Variants in SPAST observed in about 807,000 individuals in gnomAD.
SPAST encodes the protein spastic paraplegia 4 (autosomal dominant; spastin).
Under a neutral mutation model 76.6 loss-of-function variants are expected in SPAST, and 30 were observed. The observed-to-expected ratio is 0.39, with a 90% CI of 0.29 to 0.53. The LOEUF is 0.53. Among genes scored for constraint, SPAST ranks in the 20% least tolerant of loss-of-function variants. The pLI is 0.68. For missense variants in SPAST, 717 were observed against 770.5 expected (o/e 0.93, Z 0.82); for synonymous variants, 305 against 281.0 (o/e 1.09, Z -0.86).
At chr2:32,081,018 G>A (rs1677199873) in intron 1 of SPAST, among the ~76,000 whole-genome samples, 1 of 151,856 alleles carries the variant, frequency 6.6e-6, no homozygotes, top group African/African-American at 2.4e-5. Context: ...GAGTGCAATG[G>A]CACGATCTTG....
At chr2:32,097,637 C>T (rs1052287862) in intron 3 of SPAST, among the ~76,000 whole-genome samples, 2 of 151,414 alleles carry the variant, frequency 1.3e-5, no homozygotes, top group Non-Finnish European at 2.9e-5. Flanking sequence ...CTTATAGTTT[C>T]ATTCTGTGCT....
intron 16 of SPAST, among the ~76,000 whole-genome samples, chr2:32,153,906 G>T (rs899611517): frequency 6.6e-6 from 1 of 152,036 alleles, no homozygotes; most frequent in Non-Finnish European, 1.5e-5. Context: ...GCGAAACCCT[G>T]TCTCTACTAA....
intron 9 of SPAST, among the ~76,000 whole-genome samples, chr2:32,132,824 C>A (rs956076216): frequency 6.6e-6 from 1 of 152,056 alleles, no homozygotes; most frequent in Non-Finnish European, 1.5e-5. Context: ...CATGGAGAAA[C>A]CCCATGTTTC....
At chr2:32,098,657 A>G (rs1434079942) in intron 3 of SPAST, 139 bp from the exon 4 acceptor site, 4 of 589,780 alleles carry the variant, frequency 6.8e-6, no homozygotes, top group East Asian at 3.0e-5. Flanking sequence ...ATAATTTTAT[A>G]TAAATGCAAA....
At chr2:32,107,255 T>C (rs1443015609) in intron 4 of SPAST, among the ~76,000 whole-genome samples, 1 of 151,960 alleles carries the variant, frequency 6.6e-6, no homozygotes, top group Non-Finnish European at 1.5e-5. Context: ...TTTTTTGAGA[T>C]GAAGTCTTCC....
In SPAST at chr2:32,064,166, A is replaced by C; in HGVS notation, c.335A>C (p.Glu112Ala). Residue 112 changes from glutamate to alanine, a missense_variant, in exon 1 of 17, where the codon GAG becomes GCG. By Grantham distance (107) the Glu-to-Ala change is moderately radical. Around this residue, in one of 3 missense-constraint regions of SPAST, gnomAD observed 543 missense variants for 445.2 expected, o/e 1.22. Coordinates refer to ENST00000315285, the MANE Select transcript of SPAST (RefSeq NM_014946.4). ...ASAPAPVPGG[E>A]AERVRVFHKQ... ...GCCCCGGCGCCGGTGCCGGGCGGCGAGGCCGAGCGCGTCCGAGTCTTCCAC... is the reference window on the plus strand; with the variant it reads ...GCCCCGGCGCCGGTGCCGGGCGGCGCGGCCGAGCGCGTCCGAGTCTTCCAC... The C allele has an allele frequency of 6.4e-7, 1 of 1,550,530 alleles. No individual in the cohort carries two copies. The highest frequency in any genetic ancestry group is 8.7e-7 in the Non-Finnish European group (1 of 1,147,816).
Position 32,099,432 on chromosome 2 carries a change from A to C in SPAST, c.682+541A>C, listed in dbSNP as rs758073818. On this transcript the variant is annotated intron_variant, in intron 4 of 16. Coordinates refer to ENST00000315285, the MANE Select transcript of SPAST (RefSeq NM_014946.4). Reference sequence around the variant, plus strand: ...CATAAACTTTTGGATATCAACTTCTACAGAAGATTAAATGTCTTTCTGTTT... The same window carrying C: ...CATAAACTTTTGGATATCAACTTCTCCAGAAGATTAAATGTCTTTCTGTTT... 4.3e-4 allele frequency among the ~76,000 whole-genome samples: 65 copies of C among 152,162 alleles called. 1 individual carries two copies. Among genetic ancestry groups the C allele is most frequent in the Non-Finnish European group, 2.4e-4 (16 of 68,014 alleles).
chr2:32,122,646 A>G (rs12618002), intron 7 of SPAST, among the ~76,000 whole-genome samples: 3 of 151,740 alleles, frequency 2.0e-5, no homozygotes, highest in Non-Finnish European at 4.4e-5. Context: ...TTATAGGTCA[A>G]AAACAGTTGA....
chr2:32,064,696 G>A (rs748009238), intron 1 of SPAST, among the ~76,000 whole-genome samples: 6 of 152,172 alleles, frequency 3.9e-5, no homozygotes, highest in Non-Finnish European at 7.4e-5. Context: ...CAGAAAAAAA[G>A]AACAAATGGT....
chr2:32,126,663 T>G, intron 7 of SPAST: 1 of 229,272 alleles, frequency 4.4e-6, no homozygotes. Flanking sequence ...TTTTTTTAAT[T>G]TTTTGTAGAA....
Position 32,155,565 on chromosome 2 carries a change from T to G in SPAST, c.*1069T>G, listed in dbSNP as rs1332628889. 1 of 152,366 alleles carries G rather than the reference T, an allele frequency of 6.6e-6. No homozygotes were observed. Among genetic ancestry groups the G allele is most frequent in the African/African-American group, 2.4e-5 (1 of 41,432 alleles). The allele number at this position is 152,366 out of a possible 1,614,324, so 9.4% of individuals were successfully genotyped here. Reference sequence around the variant, plus strand: ...CTGAATTTTTATACATGGCATACATTTTTCTAGTTCCTTCTGCTTGCTTTA... The same window carrying G: ...CTGAATTTTTATACATGGCATACATGTTTCTAGTTCCTTCTGCTTGCTTTA... On this transcript the variant is annotated 3_prime_UTR_variant, in exon 17 of 17. Transcript: ENST00000315285.
chr2:32,114,233 A>T (rs1678736150), intron 4 of SPAST, among the ~76,000 whole-genome samples: 1 of 151,970 alleles, frequency 6.6e-6, no homozygotes, highest in Admixed American at 6.6e-5. Context: ...AGTGAGTGAG[A>T]CCCTGTTTCT....
At chr2:32,107,709 C>G (rs1358131398) in intron 4 of SPAST, among the ~76,000 whole-genome samples, 1 of 152,136 alleles carries the variant, frequency 6.6e-6, no homozygotes, top group East Asian at 1.9e-4. Context: ...AGTTCTGGTC[C>G]CAAGCATTTC....
At chr2:32,128,301 C>T in intron 8 of SPAST, 107 bp from the exon 9 acceptor site, 1 of 871,800 alleles carries the variant, frequency 1.1e-6, no homozygotes, top group Non-Finnish European at 1.8e-6. Flanking sequence ...GGCCTCATAG[C>T]TTACATTTTT....
chr2:32,143,161 G>A (rs571569601), intron 13 of SPAST, among the ~76,000 whole-genome samples, 175 bp from the exon 14 acceptor site: 61 of 152,002 alleles, frequency 4.0e-4, no homozygotes, highest in Non-Finnish European at 6.9e-4. Flanking sequence ...CCAGTTACTC[G>A]GGAGGCTGAG....
chr2:32,135,307 T>A (rs1205606072), intron 9 of SPAST, among the ~76,000 whole-genome samples: 4 of 151,758 alleles, frequency 2.6e-5, no homozygotes, highest in African/African-American at 7.3e-5. Context: ...TTTTTTGTAT[T>A]TTTAGTAGAG....
At chr2:32,078,111 C>T (rs1419441215) in intron 1 of SPAST, among the ~76,000 whole-genome samples, 2 of 151,570 alleles carry the variant, frequency 1.3e-5, no homozygotes, top group African/African-American at 4.8e-5. Flanking sequence ...CTGCCTCAGC[C>T]TCCCAAGTAG....
In SPAST at chr2:32,148,585, G is replaced by A. The variant is rs544432487; in HGVS notation, c.1728+1327G>A. Among the ~76,000 whole-genome samples, 11 of 151,638 alleles carry A rather than the reference G, an allele frequency of 7.3e-5. 1 individual carries two copies. The South Asian group carries it at 1.9e-3, about 26-fold the overall frequency. Reference sequence around the variant, plus strand: ...AGCACTTTGGGAGGCCGAGGCGGGCGGATCACGAGGTCAGGAGATCGAGAC... The same window carrying A: ...AGCACTTTGGGAGGCCGAGGCGGGCAGATCACGAGGTCAGGAGATCGAGAC... On this transcript the variant is annotated intron_variant, in intron 16 of 16. Transcript: ENST00000315285.
chr2:32,126,912 G>A (rs751977420), intron 7 of SPAST, 36 bp from the exon 8 acceptor site: 2 of 1,427,292 alleles, frequency 1.4e-6, no homozygotes, highest in Non-Finnish European at 2.0e-6. Flanking sequence ...AATGTCTCTA[G>A]AATCATAGTT....
Sources: allele counts gnomAD v4.1 joint callset (sites outside exome capture counted in the v4.1 genomes callset), GRCh38; gene constraint gnomAD v4.1.1; regional missense constraint gnomAD v4.1.1; transcripts MANE v1.5; gene names NCBI Gene and HGNC (gene_info 2026-07-23, HGNC 2026-07-21).